Variants in DCDC2C observed in about 807,000 individuals in gnomAD.
The protein encoded by DCDC2C is doublecortin domain containing 2C.
A neutral mutation model predicts 45.0 loss-of-function variants in DCDC2C; 44 were observed. The ratio of observed to expected loss-of-function variants is 0.98; its 90% CI spans 0.77 to 1.26. The LOEUF (loss-of-function observed/expected upper bound fraction) is 1.26, where lower values mean the gene tolerates loss of function less well. DCDC2C is among the 50% of genes most tolerant of loss of function. The pLI is 0.00. For missense variants in DCDC2C, 447 were observed against 468.9 expected, an observed-to-expected ratio of 0.95 and a Z score of 0.43; for synonymous variants, 187 against 178.8, an observed-to-expected ratio of 1.05 and a Z score of -0.37.
intron 6 of DCDC2C, 43 bp from the exon 7 acceptor site, chr2:3,767,711 C>T (rs924449872): frequency 1.3e-6 from 2 of 1,547,090 alleles, no homozygotes; most frequent in African/African-American, 1.4e-5. Flanking sequence ...TCCTTGTATC[C>T]CACTGTTCTT....
intron 4 of DCDC2C, among the ~76,000 whole-genome samples, chr2:3,750,102 G>A (rs907502197): frequency 2.0e-5 from 3 of 151,638 alleles, no homozygotes; most frequent in African/African-American, 7.3e-5. Context: ...ATCCACGCTG[G>A]ACACTGCACA....
intron 10 of DCDC2C, among the ~76,000 whole-genome samples, chr2:3,802,678 A>AG (rs1358463676): frequency 2.6e-5 from 4 of 152,168 alleles, no homozygotes; most frequent in African/African-American, 9.7e-5. Flanking sequence ...CTCTTCTAGA[A>AG]GGGGCTGATC....
At chr2:3,813,075 T>A (rs1216448315) in intron 10 of DCDC2C, among the ~76,000 whole-genome samples, 87 of 106,216 alleles carry the variant, frequency 8.2e-4, no homozygotes, top group East Asian at 1.7e-3. Flanking sequence ...ATATTTTTTT[T>A]TTTTTGCTGT....
chr2:3,768,438 T>G (rs1670071225), intron 7 of DCDC2C, among the ~76,000 whole-genome samples: 1 of 152,204 alleles, frequency 6.6e-6, no homozygotes, highest in Non-Finnish European at 1.5e-5. Flanking sequence ...GGATACTTAG[T>G]GAGAGACTGT....
chr2:3,842,610 G>C (rs138442392), intron 10 of DCDC2C, among the ~76,000 whole-genome samples: 7 of 145,882 alleles, frequency 4.8e-5, no homozygotes, highest in African/African-American at 1.8e-4. Context: ...AGGTCCATCA[G>C]TGAGAAGAAG....
chr2:3,802,844 C>T (rs1381725504), intron 10 of DCDC2C, among the ~76,000 whole-genome samples: 12 of 152,162 alleles, frequency 7.9e-5, no homozygotes, highest in African/African-American at 2.9e-4. Flanking sequence ...TCTCAAGGGT[C>T]CCTGGGCCTC....
chr2:3,756,438 C>T (rs1669718803), intron 6 of DCDC2C, among the ~76,000 whole-genome samples: 1 of 152,178 alleles, frequency 6.6e-6, no homozygotes, highest in African/African-American at 2.4e-5. Flanking sequence ...TAACAGATAG[C>T]CCTGGGCTTT....
intron 5 of DCDC2C, among the ~76,000 whole-genome samples, chr2:3,753,706 A>G (rs931548338): frequency 1.3e-5 from 2 of 152,156 alleles, no homozygotes; most frequent in Non-Finnish European, 2.9e-5. Context: ...TGTGACAGTA[A>G]GGCAGCACAT....
rs980098189 is a variant in DCDC2C, at chr2:3,769,359, C to G, written c.902C>G (p.Ala301Gly). 1.3e-6 allele frequency: 2 copies of G among 1,550,586 alleles called. No individual in the cohort carries two copies. The highest frequency in any genetic ancestry group is 4.9e-5 in the East Asian group (2 of 40,926). ...APTPSKETQG[A>G]LDVKEEHNVQ... ...ACTCCTAGCAAGGAAACCCAAGGGG[C>G]GCTGGACGTCAAAGAGGAGCACAAT... The change falls in exon 8 of 11, where the codon GCG becomes GGG. Residue 301 changes from alanine (A) to glycine (G), a missense_variant. Coordinates refer to ENST00000399143, the MANE Select transcript of DCDC2C (RefSeq NM_001287444.2).
intron 1 of DCDC2C, among the ~76,000 whole-genome samples, chr2:3,707,653 G>C (rs140875161): frequency 6.6e-6 from 1 of 152,160 alleles, no homozygotes; most frequent in African/African-American, 2.4e-5. Flanking sequence ...GTGCATCTCC[G>C]CTATCTGGAC....
Position 3,761,998 on chromosome 2 carries a change from A to C in DCDC2C, c.727-5756A>C, listed in dbSNP as rs1301406839. ...TTTCAATAGGGAGAAAGATGAATGA[A>C]ATTGAGAAGCGGTACCTGTCCCCTT... On this transcript the variant is annotated intron_variant, in intron 6 of 10. Transcript: ENST00000399143. The surrounding 1 kb of genome is among the most constrained non-coding windows in gnomAD (Gnocchi z 4.3). Among the ~76,000 whole-genome samples the C allele has an allele frequency of 2.0e-5, 3 of 152,186 alleles. No homozygotes were observed. The highest frequency in any genetic ancestry group is 4.4e-5 in the Non-Finnish European group (3 of 68,032).
At chr2:3,731,654 T>C (rs904911077) in intron 3 of DCDC2C, among the ~76,000 whole-genome samples, 4 of 152,172 alleles carry the variant, frequency 2.6e-5, no homozygotes, top group African/African-American at 7.2e-5. Context: ...CATGGGGTGT[T>C]GAAGGAAGAT....
chr2:3,840,473 AT>A (rs1672185766), intron 10 of DCDC2C, among the ~76,000 whole-genome samples: 1 of 152,244 alleles, frequency 6.6e-6, no homozygotes, highest in South Asian at 2.1e-4. Context: ...GTGCCCTGTA[AT>A]TTCAGAAGGT....
At chr2:3,763,295 G>T (rs531986682) in intron 6 of DCDC2C, among the ~76,000 whole-genome samples, 2 of 152,206 alleles carry the variant, frequency 1.3e-5, no homozygotes, top group South Asian at 4.2e-4. Flanking sequence ...CCATTCTATC[G>T]CACCTCAGAG....
Position 3,703,719 on chromosome 2 carries a change from T to A in DCDC2C, c.-33T>A, listed in dbSNP as rs1667937157. On this transcript the variant is annotated 5_prime_UTR_variant, in exon 1 of 11. Coordinates refer to ENST00000399143, the MANE Select transcript of DCDC2C (RefSeq NM_001287444.2). This position sits in a 1 kb window ranked among gnomAD's most constrained non-coding sequence, Gnocchi z 4.4. Reference sequence around the variant, plus strand: ...TCGCTGCCCGCGCTGCCGCAGCCTCTCGGCCCCGGCGAGCGAGGAGCGGGG... The same window carrying A: ...TCGCTGCCCGCGCTGCCGCAGCCTCACGGCCCCGGCGAGCGAGGAGCGGGG... The A allele has an allele frequency of 1.6e-6, 2 of 1,227,060 alleles. No homozygotes were observed. Among genetic ancestry groups the A allele is most frequent in the Non-Finnish European group, 2.0e-6 (2 of 984,790 alleles). The allele number at this position is 1,227,060 out of a possible 1,614,324, so 76.0% of individuals were successfully genotyped here. A position where few individuals can be genotyped will look rare whatever the true frequency, so the allele number is the denominator to read the frequency against.
chr2:3,821,374 T>C (rs1015800709), intron 10 of DCDC2C, among the ~76,000 whole-genome samples: 2 of 152,202 alleles, frequency 1.3e-5, no homozygotes, highest in Non-Finnish European at 2.9e-5. Context: ...TTATGTTTTT[T>C]TTTCCTATGT....
At chr2:3,830,490 C>T (rs111336355) in intron 10 of DCDC2C, among the ~76,000 whole-genome samples, 3,668 of 152,284 alleles carry the variant, frequency 0.024, 61 homozygotes, top group Middle Eastern at 0.041. Flanking sequence ...GGCCCCATGT[C>T]CTCATTGGTA....
At chr2:3,796,837 G>C (rs1214609423) in intron 10 of DCDC2C, among the ~76,000 whole-genome samples, 2 of 146,086 alleles carry the variant, frequency 1.4e-5, no homozygotes, top group African/African-American at 2.5e-5. Flanking sequence ...TCTCTTTTTT[G>C]GTTGTGTCTC....
intron 9 of DCDC2C, among the ~76,000 whole-genome samples, chr2:3,780,015 A>G (rs1420296200): frequency 1.3e-5 from 2 of 152,206 alleles, no homozygotes; most frequent in African/African-American, 4.8e-5. Flanking sequence ...AACAGAATAC[A>G]CTTGTAAAAC....
Sources: allele counts gnomAD v4.1 joint callset (sites outside exome capture counted in the v4.1 genomes callset), GRCh38; gene constraint gnomAD v4.1.1; non-coding constraint Gnocchi (gnomAD v3.1); transcripts MANE v1.5; gene names NCBI Gene and HGNC (gene_info 2026-07-23, HGNC 2026-07-21).